The following CLASP1 variants were observed in gnomAD, a reference collection of about 807,000 sequenced individuals.
CLASP1 encodes the protein cytoplasmic linker associated protein 1.
In CLASP1, 38 loss-of-function variants were observed where a neutral mutation model predicts 192.3. That is an observed-to-expected ratio of 0.20 (90% CI 0.15 to 0.26). The LOEUF (loss-of-function observed/expected upper bound fraction) is 0.26. CLASP1 is among the 10% of genes least tolerant of loss of function. CLASP1 has a pLI of 1.00. For synonymous variants in CLASP1, 691 were observed against 712.8 expected (o/e 0.97, Z 0.49); for missense variants, 1,433 against 1,932.5 (o/e 0.74, Z 4.85).
chr2:121,356,351 C>T (rs1230472615), intron 37 of CLASP1, among the ~76,000 whole-genome samples: 1 of 152,192 alleles, frequency 6.6e-6, no homozygotes, highest in Non-Finnish European at 1.5e-5. Flanking sequence ...ACCAATGCCC[C>T]AGATTGGCAC....
At chr2:121,401,470 C>T (rs767749477) in intron 28 of CLASP1, 39 bp downstream of exon 29, 60 of 1,546,446 alleles carry the variant, frequency 3.9e-5, no homozygotes, top group African/African-American at 5.5e-5. Flanking sequence ...TTACAAGTAT[C>T]CTGTAACATC....
intron 2 of CLASP1, among the ~76,000 whole-genome samples, chr2:121,564,777 A>C (rs2059370587): frequency 6.6e-6 from 1 of 152,182 alleles, no homozygotes; most frequent in Non-Finnish European, 1.5e-5. Flanking sequence ...TTTTCCCCAA[A>C]CACAATTTGA....
At chr2:121,578,018 T>G (rs1462909039) in intron 2 of CLASP1, among the ~76,000 whole-genome samples, 3 of 152,092 alleles carry the variant, frequency 2.0e-5, no homozygotes, top group Non-Finnish European at 4.4e-5. Flanking sequence ...CTGCAACCTC[T>G]CCCTTCTGGG....
chr2:121,597,203 T>C (rs72972735), intron 2 of CLASP1, among the ~76,000 whole-genome samples: 5,901 of 152,332 alleles, frequency 0.039, 163 homozygotes, highest in East Asian at 0.14. Context: ...AGCTAATTTT[T>C]TGAGCATCAG....
chr2:121,635,989 C>A (rs1330989837), intron 1 of CLASP1, among the ~76,000 whole-genome samples: 1 of 151,684 alleles, frequency 6.6e-6, no homozygotes, highest in Non-Finnish European at 1.5e-5. Context: ...ATTGCTTGAG[C>A]CCAGGAGTTT....
At chr2:121,366,759 A>G (rs1467125967) in intron 35 of CLASP1, among the ~76,000 whole-genome samples, 1 of 152,218 alleles carries the variant, frequency 6.6e-6, no homozygotes, top group East Asian at 1.9e-4. Flanking sequence ...TCAAAACAAT[A>G]TTTTTTTAAA....
At chr2:121,564,835 G>C (rs1407929493) in intron 2 of CLASP1, among the ~76,000 whole-genome samples, 1 of 152,158 alleles carries the variant, frequency 6.6e-6, no homozygotes, top group Non-Finnish European at 1.5e-5. Flanking sequence ...TGCTCCAAAG[G>C]GGCTGCAGTT....
chr2:121,417,023 T>TATTG lies in CLASP1; in HGVS notation c.2320+1595_2320+1598dup, dbSNP rs766550941. Among the ~76,000 whole-genome samples the TATTG allele has an allele frequency of 5.3e-5, 8 of 152,334 alleles. No homozygotes were observed. In the South Asian group the frequency reaches 1.7e-3, roughly 32 times the overall value. ...AAAATTTTAGCTCGAAGACCTTAAC[T>TATTG]ATTGCCCTGACCACAACAGAAGACG... On this transcript the variant is annotated intron_variant, in intron 23 of 39. Transcript: ENST00000263710.
At chr2:121,362,102 C>T (rs967332755) in intron 37 of CLASP1, among the ~76,000 whole-genome samples, 2 of 152,248 alleles carry the variant, frequency 1.3e-5, no homozygotes, top group African/African-American at 4.8e-5. Context: ...TAATTCCCTT[C>T]ATCCACGAGT....
At chr2:121,629,472 A>G (rs1473701181) in intron 1 of CLASP1, among the ~76,000 whole-genome samples, 1 of 152,096 alleles carries the variant, frequency 6.6e-6, no homozygotes, top group African/African-American at 2.4e-5. Flanking sequence ...ATTTTAGTGA[A>G]AAAAGCAAAC....
intron 26 of CLASP1, chr2:121,402,716 GT>G (rs2076319568): frequency 2.4e-5 from 12 of 506,082 alleles, no homozygotes; most frequent in South Asian, 1.6e-4. Context: ...ATCTAATAGT[GT>G]TCACGTTATA....
chr2:121,411,629 T>C (rs1246781286), intron 23 of CLASP1, among the ~76,000 whole-genome samples: 3 of 152,178 alleles, frequency 2.0e-5, no homozygotes, highest in African/African-American at 7.2e-5. Flanking sequence ...TCAAATAATT[T>C]AGAATGGCAA....
intron 2 of CLASP1, among the ~76,000 whole-genome samples, chr2:121,553,759 C>A (rs1045414886): frequency 2.0e-5 from 3 of 152,020 alleles, no homozygotes; most frequent in African/African-American, 7.3e-5. Context: ...AGATTTGTAT[C>A]TTTAATTATT....
chr2:121,443,148 T>C (rs1433643280), intron 19 of CLASP1, among the ~76,000 whole-genome samples: 1 of 152,078 alleles, frequency 6.6e-6, no homozygotes, highest in Non-Finnish European at 1.5e-5. Context: ...TCAGCAACGG[T>C]CTCTATTGTC....
intron 37 of CLASP1, among the ~76,000 whole-genome samples, chr2:121,359,484 C>T (rs2065962915): frequency 6.6e-6 from 1 of 152,092 alleles, no homozygotes; most frequent in South Asian, 2.1e-4. Flanking sequence ...GGTTCTGTAC[C>T]AGCTCTAACA....
intron 2 of CLASP1, among the ~76,000 whole-genome samples, chr2:121,555,377 C>T (rs565588498): frequency 6.6e-6 from 1 of 152,292 alleles, no homozygotes; most frequent in East Asian, 1.9e-4. Context: ...AGCAGTCAGG[C>T]TCATTTGTGA....
chr2:121,567,410 C>A (rs929809355), intron 2 of CLASP1, among the ~76,000 whole-genome samples: 1 of 152,180 alleles, frequency 6.6e-6, no homozygotes, highest in Non-Finnish European at 1.5e-5. Context: ...CAGCATTGCT[C>A]GGCACTATTT....
chr2:121,352,653 G>C (rs972065741), intron 37 of CLASP1, among the ~76,000 whole-genome samples: 1 of 152,102 alleles, frequency 6.6e-6, no homozygotes, highest in African/African-American at 2.4e-5. Context: ...CTAAAATGAG[G>C]ATTTTATTTT....
intron 2 of CLASP1, among the ~76,000 whole-genome samples, chr2:121,563,973 AAG>A (rs2059306881): frequency 6.6e-6 from 1 of 152,190 alleles, no homozygotes; most frequent in Non-Finnish European, 1.5e-5. Flanking sequence ...GCAACAGGCA[AAG>A]AGAGAGCTTG....
Sources: gnomAD v4.1 joint callset for allele counts (sites outside exome capture counted in the v4.1 genomes callset) on GRCh38, gnomAD v4.1.1 for gene constraint, MANE v1.5 for transcripts, NCBI Gene and HGNC (gene_info 2026-07-23, HGNC 2026-07-21) for gene names.